HNRNPC: variants seen among roughly 807,000 people sequenced by gnomAD.
HNRNPC encodes heterogeneous nuclear ribonucleoprotein C, also known as heterogeneous nuclear ribonucleoproteins C1/C2.
In HNRNPC, 3 loss-of-function variants were observed where a neutral mutation model predicts 33.2. That is an observed-to-expected ratio of 0.09 (90% confidence interval 0.04 to 0.23). The LOEUF is 0.23. HNRNPC is among the 10% of genes least tolerant of loss of function. The pLI is 1.00. For synonymous variants in HNRNPC, 121 were observed against 126.7 expected, an observed-to-expected ratio of 0.96 and a Z score of 0.30; for missense variants, 143 against 366.7, an observed-to-expected ratio of 0.39 and a Z score of 4.98.
intron 5 of HNRNPC, chr14:21,213,440 A>T: frequency 4.3e-6 from 1 of 229,976 alleles, no homozygotes; most frequent in East Asian, 1.0e-4. Flanking sequence ...TTAACAGGGC[A>T]TTTATTATAA....
At position 21,209,326 on chromosome 14, in the gene HNRNPC, T is replaced by A. The variant is rs1195649075; in HGVS notation, c.*1897A>T. 6.6e-6 allele frequency: 1 copy of A among 152,196 alleles called. No homozygotes were observed. The highest frequency in any genetic ancestry group is 1.5e-5 in the Non-Finnish European group (1 of 68,032). The allele number at this position is 152,196 out of a possible 1,614,324, so 9.4% of individuals were successfully genotyped here. On this transcript the variant is annotated 3_prime_UTR_variant, in exon 9 of 9. Transcript: ENST00000553300. Reference sequence around the variant, plus strand: ...AGAGGCCCTACAGTGAAGGGAAAAGTAGACACTTGATTGTGGACTAATTTG... The same window carrying A: ...AGAGGCCCTACAGTGAAGGGAAAAGAAGACACTTGATTGTGGACTAATTTG...
Position 21,226,643 on chromosome 14 carries a change from G to T in HNRNPC, c.365+3676C>A, listed in dbSNP as rs1180322631. 2.0e-5 allele frequency among the ~76,000 whole-genome samples: 3 copies of T among 152,096 alleles called. No individual in the cohort carries two copies. In the East Asian group the frequency reaches 5.8e-4, roughly 29 times the overall value. On this transcript the variant is annotated intron_variant, in intron 5 of 8. Transcript: ENST00000553300. ...TGGCCAAGGCAGGGAGATCCCTTGAGCCCAGGCGGGTGGACCACCTGAGGT... is the reference window on the plus strand; with the variant it reads ...TGGCCAAGGCAGGGAGATCCCTTGATCCCAGGCGGGTGGACCACCTGAGGT...
chr14:21,243,464 C>A (rs1001914186), intron 2 of HNRNPC, among the ~76,000 whole-genome samples: 1 of 152,092 alleles, frequency 6.6e-6, no homozygotes, highest in African/African-American at 2.4e-5. Flanking sequence ...TCTTAAGATG[C>A]TATATATAGC....
chr14:21,222,665 G>A (rs1388189610), intron 5 of HNRNPC, among the ~76,000 whole-genome samples: 4 of 152,160 alleles, frequency 2.6e-5, no homozygotes, highest in Admixed American at 2.6e-4. Context: ...GGCCGAGGCA[G>A]GCAGATCATG....
intron 2 of HNRNPC, chr14:21,262,464 T>C (rs1878401637): frequency 6.6e-6 from 1 of 152,276 alleles, no homozygotes; most frequent in Non-Finnish European, 1.5e-5. Context: ...TGGTCCCCCT[T>C]GGGAAACACC....
intron 2 of HNRNPC, among the ~76,000 whole-genome samples, chr14:21,253,966 G>A (rs1474824752): frequency 2.0e-5 from 3 of 150,834 alleles, no homozygotes; most frequent in African/African-American, 7.4e-5. Flanking sequence ...TACTCAGGAG[G>A]CTGAGGCAGG....
At position 21,234,091 on chromosome 14, in the gene HNRNPC, C is replaced by T. The variant is rs752912205; in HGVS notation, c.103G>A (p.Ala35Thr). Residue 35 changes from alanine to threonine, a missense_variant, in exon 3 of 9, where the codon GCA becomes ACA. Transcript: ENST00000553300. Reference sequence around the variant, plus strand: ...ATTTTGCCATACTTCGAAAAGATTGCCTCCACATCAGATTTCTTGACCACA... The same window carrying T: ...ATTTTGCCATACTTCGAAAAGATTGTCTCCACATCAGATTTCTTGACCACA... The part of the protein sequence containing the change: ...TLVVKKSDVE[A>T]IFSKYGKIVG... The T allele has an allele frequency of 6.2e-7, 1 of 1,613,924 alleles. No homozygotes were observed. The highest frequency in any genetic ancestry group is 8.5e-7 in the Non-Finnish European group (1 of 1,179,882).
At chr14:21,228,292 G>A (rs1355017045) in intron 5 of HNRNPC, among the ~76,000 whole-genome samples, 1 of 152,204 alleles carries the variant, frequency 6.6e-6, no homozygotes, top group Non-Finnish European at 1.5e-5. Flanking sequence ...ACCAAGGTCT[G>A]ATTGCAAAAA....
At chr14:21,216,184 A>G (rs1419582390) in intron 5 of HNRNPC, among the ~76,000 whole-genome samples, 1 of 152,106 alleles carries the variant, frequency 6.6e-6, no homozygotes, top group East Asian at 1.9e-4. Context: ...AAGCATTACA[A>G]GACATGTACT....
Position 21,210,193 on chromosome 14 carries a change from T to C in HNRNPC, c.*1030A>G, listed in dbSNP as rs1273732779. The stretch of plus-strand genomic sequence containing the variant: ...TGTCGCCATTTTCCTGAAATCTTGA[T>C]GTTTTTGAGCCTCTCCTATTTAAGG... On this transcript the variant is annotated 3_prime_UTR_variant, in exon 9 of 9. Coordinates refer to ENST00000553300, the MANE Select transcript of HNRNPC (RefSeq NM_004500.4). 6.6e-6 allele frequency: 1 copy of C among 152,218 alleles called. No individual in the cohort carries two copies. The highest frequency in any genetic ancestry group is 1.5e-5 in the Non-Finnish European group (1 of 68,036). 9.4% of individuals were successfully genotyped at this position (152,218 alleles called of 1,614,324 possible).
At chr14:21,260,324 C>A (rs1227619922) in intron 2 of HNRNPC, among the ~76,000 whole-genome samples, 1 of 145,306 alleles carries the variant, frequency 6.9e-6, no homozygotes, top group Non-Finnish European at 1.5e-5. Flanking sequence ...CAAGATCACA[C>A]CACTGCACTC....
intron 2 of HNRNPC, among the ~76,000 whole-genome samples, chr14:21,261,722 C>G (rs1235813568): frequency 6.6e-6 from 1 of 152,056 alleles, no homozygotes; most frequent in Non-Finnish European, 1.5e-5. Context: ...ATAGCGAGAC[C>G]CTGTCTCTAC....
chr14:21,249,132 T>C (rs1055880591), intron 2 of HNRNPC, among the ~76,000 whole-genome samples: 2 of 152,204 alleles, frequency 1.3e-5, no homozygotes, highest in Non-Finnish European at 2.9e-5. Flanking sequence ...TTTTGTAATT[T>C]TTCCTTCTGC....
intron 2 of HNRNPC, among the ~76,000 whole-genome samples, chr14:21,260,301 G>T (rs1343990499): frequency 6.7e-6 from 1 of 149,026 alleles, no homozygotes; most frequent in Non-Finnish European, 1.5e-5. Flanking sequence ...AGGAGGCAGA[G>T]GTTGTGGTGA....
At chr14:21,267,547 GGGA>G (rs1879223098) in intron 1 of HNRNPC, among the ~76,000 whole-genome samples, 1 of 146,516 alleles carries the variant, frequency 6.8e-6, no homozygotes, top group Non-Finnish European at 1.5e-5. Context: ...TAGCATGAGG[GGGA>G]AAAAAAAGGT....
rs1438480513 is a variant in HNRNPC at position 21,210,002 on chromosome 14, A to C, written c.*1221T>G. ...GTAAAATAAATGTGTAACATTCTCTATGTTCTCAATCACCTGGGAAGGCAG... is the reference window on the plus strand; with the variant it reads ...GTAAAATAAATGTGTAACATTCTCTCTGTTCTCAATCACCTGGGAAGGCAG... On this transcript the variant is annotated 3_prime_UTR_variant, in exon 9 of 9. Coordinates refer to ENST00000553300, the MANE Select transcript of HNRNPC (RefSeq NM_004500.4). The C allele has an allele frequency of 6.6e-6, 1 of 152,232 alleles. No homozygotes were observed. Among genetic ancestry groups the C allele is most frequent in the Non-Finnish European group, 1.5e-5 (1 of 68,046 alleles). 9.4% of individuals were successfully genotyped at this position (152,232 alleles called of 1,614,324 possible). A position where few individuals can be genotyped will look rare whatever the true frequency, so the allele number is the denominator to read the frequency against.
chr14:21,228,828 T>A (rs547992816), intron 5 of HNRNPC, among the ~76,000 whole-genome samples: 1 of 152,000 alleles, frequency 6.6e-6, no homozygotes, highest in Admixed American at 6.6e-5. Flanking sequence ...CTCACACCTG[T>A]AATCCCAGCA....
chr14:21,229,326 G>A (rs995139628), intron 5 of HNRNPC, among the ~76,000 whole-genome samples: 2 of 147,990 alleles, frequency 1.4e-5, no homozygotes, highest in African/African-American at 5.0e-5. Context: ...AGCCAAGATT[G>A]CGCCACTGCA....
intron 3 of HNRNPC, chr14:21,231,367 A>C: frequency 2.0e-6 from 1 of 502,824 alleles, no homozygotes. Context: ...AAAACAACTC[A>C]TCTTTCCTTA....
Sources: allele counts gnomAD v4.1 joint callset (sites outside exome capture counted in the v4.1 genomes callset), GRCh38; gene constraint gnomAD v4.1.1; transcripts MANE v1.5; gene names NCBI Gene and HGNC (gene_info 2026-07-23, HGNC 2026-07-21).